RORA: variants seen among roughly 807,000 people sequenced by gnomAD.
The protein encoded by RORA is RAR related orphan receptor A, also known as nuclear receptor ROR-alpha.
A neutral mutation model predicts 69.5 loss-of-function variants in RORA; 7 were observed. The ratio of observed to expected loss-of-function variants is 0.10; its 90% CI spans 0.06 to 0.19. The LOEUF (loss-of-function observed/expected upper bound fraction) is 0.19. RORA is among the 10% of genes least tolerant of loss of function. The probability of loss-of-function intolerance (pLI) is 1.00; values close to 1 mark genes in which losing one functional copy is unlikely to be tolerated. For missense variants in RORA, 457 were observed against 663.0 expected, an observed-to-expected ratio of 0.69 and a Z score of 3.41; for synonymous variants, 261 against 240.8, an observed-to-expected ratio of 1.08 and a Z score of -0.78.
chr15:60,516,186 T>TAA (rs1491293531), intron 3 of RORA, among the ~76,000 whole-genome samples: 22 of 16,880 alleles, frequency 1.3e-3, no homozygotes, highest in South Asian at 6.7e-3. Context: ...TATATATATT[T>TAA]ATATATATAT....
chr15:60,510,947 G>A (rs2141317229), intron 5 of RORA, among the ~76,000 whole-genome samples: 1 of 152,148 alleles, frequency 6.6e-6, no homozygotes, highest in East Asian at 1.9e-4. Flanking sequence ...TGAAGTTAAT[G>A]TAGCCATTTC....
chr15:60,732,918 T>C (rs2071448012), intron 1 of RORA, among the ~76,000 whole-genome samples: 2 of 152,212 alleles, frequency 1.3e-5, no homozygotes, highest in Admixed American at 1.3e-4. Context: ...CCCATCATAG[T>C]ATTTTCTTTC....
chr15:60,843,979 T>C (rs2073233040), intron 1 of RORA, among the ~76,000 whole-genome samples: 1 of 152,066 alleles, frequency 6.6e-6, no homozygotes, highest in South Asian at 2.1e-4. Context: ...TAGCCCACAC[T>C]TTCACATCTT....
intron 1 of RORA, among the ~76,000 whole-genome samples, chr15:60,918,760 G>C (rs1450977072): frequency 6.6e-6 from 1 of 152,146 alleles, no homozygotes; most frequent in Non-Finnish European, 1.5e-5. Flanking sequence ...GGGTGCCTTG[G>C]TGACAGGGAG....
At chr15:60,592,880 C>T in intron 2 of RORA, 1 of 459,358 alleles carries the variant, frequency 2.2e-6, no homozygotes. Flanking sequence ...TGCCCCCACT[C>T]GGTGGGGCAA....
At chr15:60,621,979 C>T (rs2069422047) in intron 2 of RORA, among the ~76,000 whole-genome samples, 4 of 151,988 alleles carry the variant, frequency 2.6e-5, no homozygotes, top group Admixed American at 6.5e-5. Flanking sequence ...ATCCGGGAGG[C>T]GGAGGTCGTG....
intron 1 of RORA, among the ~76,000 whole-genome samples, chr15:60,890,115 T>A (rs2073797526): frequency 6.6e-6 from 1 of 152,244 alleles, no homozygotes; most frequent in East Asian, 1.9e-4. Context: ...ATTTTCCAAC[T>A]GTCTGTGCTA....
At position 60,934,985 on chromosome 15, in the gene RORA, C is replaced by G. The variant is rs2140317694; in HGVS notation, c.167-256299G>C. 2.0e-5 allele frequency among the ~76,000 whole-genome samples: 3 copies of G among 152,362 alleles called. No individual in the cohort carries two copies. The South Asian group carries it at 6.2e-4, about 32-fold the overall frequency. On this transcript the variant is annotated intron_variant, in intron 1 of 10. Coordinates refer to ENST00000335670, the MANE Select transcript of RORA (RefSeq NM_134261.3). ...TGTGCCAAGCACTGTTCTAAAACCTCTACACATTATAAGCTCATTTAATCC... is the reference window on the plus strand; with the variant it reads ...TGTGCCAAGCACTGTTCTAAAACCTGTACACATTATAAGCTCATTTAATCC...
intron 1 of RORA, among the ~76,000 whole-genome samples, chr15:60,868,983 C>G (rs939875522): frequency 3.9e-5 from 6 of 152,170 alleles, no homozygotes; most frequent in African/African-American, 1.4e-4. Flanking sequence ...TGACCAGAAC[C>G]CATGCCAAAC....
chr15:60,979,616 T>A (rs1000171326), intron 1 of RORA, among the ~76,000 whole-genome samples: 18 of 152,164 alleles, frequency 1.2e-4, no homozygotes, highest in Non-Finnish European at 2.6e-4. Flanking sequence ...CTTTCTTAAT[T>A]TCATGTTTGG....
At chr15:60,681,160 T>C (rs1433580194) in intron 1 of RORA, among the ~76,000 whole-genome samples, 1 of 152,166 alleles carries the variant, frequency 6.6e-6, no homozygotes, top group African/African-American at 2.4e-5. Context: ...AATGATTCCA[T>C]AGAAGTACCA....
chr15:61,080,547 A>T (rs887757261), intron 1 of RORA, among the ~76,000 whole-genome samples: 15 of 152,206 alleles, frequency 9.9e-5, no homozygotes, highest in Non-Finnish European at 2.9e-5. Flanking sequence ...TAAAAAGGGC[A>T]TGGCTCAAAT....
At chr15:60,992,564 C>G (rs980352700) in intron 1 of RORA, among the ~76,000 whole-genome samples, 2 of 152,136 alleles carry the variant, frequency 1.3e-5, no homozygotes, top group Non-Finnish European at 2.9e-5. Flanking sequence ...GGCAAGCTAC[C>G]GTGGGATCAC....
intron 1 of RORA, among the ~76,000 whole-genome samples, chr15:61,187,494 G>A (rs1211543138): frequency 6.6e-6 from 1 of 152,174 alleles, no homozygotes; most frequent in Non-Finnish European, 1.5e-5. Flanking sequence ...AAAACCAAGA[G>A]GAGGAGGAGG....
chr15:60,542,468 C>CAG (rs1328573880), intron 2 of RORA, among the ~76,000 whole-genome samples: 21 of 138,532 alleles, frequency 1.5e-4, no homozygotes, highest in African/African-American at 7.1e-4. Context: ...ACCTCACACA[C>CAG]ACGGCACACA....
intron 1 of RORA, among the ~76,000 whole-genome samples, chr15:61,100,112 C>CT (rs911036920): frequency 0.2 from 24,134 of 119,038 alleles, 2,933 homozygotes; most frequent in African/African-American, 0.26. Context: ...GGTCAATTTT[C>CT]TTTTTTTTTT....
intron 1 of RORA, among the ~76,000 whole-genome samples, chr15:60,977,678 T>G (rs1378179691): frequency 6.6e-6 from 1 of 152,222 alleles, no homozygotes; most frequent in African/African-American, 2.4e-5. Flanking sequence ...CTTTGCCTAT[T>G]TTGAACATTT....
intron 1 of RORA, among the ~76,000 whole-genome samples, chr15:60,804,014 GTGCAGTGGCTCA>G (rs1305910315): frequency 6.6e-6 from 1 of 152,098 alleles, no homozygotes; most frequent in Non-Finnish European, 1.5e-5. Flanking sequence ...CCAGGGCCAG[GTGCAGTGGCTCA>G]TGCCTGTAAT....
At chr15:60,613,922 A>G (rs1027624674) in intron 2 of RORA, among the ~76,000 whole-genome samples, 2 of 150,876 alleles carry the variant, frequency 1.3e-5, no homozygotes, top group African/African-American at 4.9e-5. Flanking sequence ...CAAACAACTG[A>G]TATCTCATAT....
Sources: allele counts gnomAD v4.1 joint callset (sites outside exome capture counted in the v4.1 genomes callset), GRCh38; gene constraint gnomAD v4.1.1; transcripts MANE v1.5; gene names NCBI Gene and HGNC (gene_info 2026-07-23, HGNC 2026-07-21).